Variants in DISC1 observed in about 807,000 individuals in gnomAD.
DISC1 encodes DISC1 scaffold protein.
A neutral mutation model predicts 84.5 loss-of-function variants in DISC1; 57 were observed. The observed-to-expected ratio is 0.67, with a 90% CI of 0.55 to 0.84. The LOEUF (loss-of-function observed/expected upper bound fraction) is 0.84, where lower values mean the gene tolerates loss of function less well. Among genes scored for constraint, DISC1 ranks in the 40% least tolerant of loss-of-function variants. The pLI, the probability that DISC1 is intolerant of heterozygous loss-of-function variation, is 0.00. For synonymous variants in DISC1, 411 were observed against 415.2 expected (o/e 0.99, Z 0.12); for missense variants, 1,000 against 1,057.8 (o/e 0.95, Z 0.76).
intron 1 of DISC1, among the ~76,000 whole-genome samples, chr1:231,652,448 A>G (rs1021566444): frequency 6.6e-6 from 1 of 152,208 alleles, no homozygotes; most frequent in Non-Finnish European, 1.5e-5. Flanking sequence ...AAACTTTCTT[A>G]AAGGAAATGG....
At chr1:231,895,286 A>G (rs2087593300) in intron 9 of DISC1, among the ~76,000 whole-genome samples, 2 of 151,700 alleles carry the variant, frequency 1.3e-5, no homozygotes, top group African/African-American at 4.8e-5. Flanking sequence ...GTGTAAGTAT[A>G]TCTAATGAAT....
intron 3 of DISC1, chr1:231,702,331 C>T (rs936799446): frequency 3.8e-6 from 4 of 1,065,826 alleles, no homozygotes; most frequent in African/African-American, 3.4e-5. Flanking sequence ...ATCTATAATC[C>T]ACTTGTTCAT....
At chr1:231,891,345 G>A (rs534004065) in intron 9 of DISC1, among the ~76,000 whole-genome samples, 1 of 152,334 alleles carries the variant, frequency 6.6e-6, no homozygotes, top group Admixed American at 6.5e-5. Context: ...AACATATAGT[G>A]TTAATAGGAT....
At chr1:232,026,993 C>T (rs779989020) in intron 12 of DISC1, among the ~76,000 whole-genome samples, 6 of 152,014 alleles carry the variant, frequency 3.9e-5, no homozygotes, top group African/African-American at 7.2e-5. Context: ...TCAAGTGATC[C>T]GCCCGCCTTG....
chr1:231,626,995 C>G, intron 1 of DISC1, 61 bp downstream of exon 1: 1 of 1,227,794 alleles, frequency 8.1e-7, no homozygotes, highest in Non-Finnish European at 1.1e-6. Context: ...GGAGGGCGCG[C>G]TCTGGCCCCC....
intron 4 of DISC1, among the ~76,000 whole-genome samples, chr1:231,762,128 CTT>C (rs2075723516): frequency 7.1e-6 from 1 of 140,266 alleles, no homozygotes; most frequent in South Asian, 2.3e-4. Flanking sequence ...TTTCTTTTTT[CTT>C]TTCTTTCTTT....
At chr1:231,685,091 G>A (rs1482238535) in intron 1 of DISC1, 1 of 152,284 alleles carries the variant, frequency 6.6e-6, no homozygotes, top group Non-Finnish European at 1.5e-5. Flanking sequence ...AGCAAGCCCA[G>A]TGCAAGATTC....
chr1:231,983,032 T>G (rs1194429037), intron 10 of DISC1, among the ~76,000 whole-genome samples: 1 of 152,136 alleles, frequency 6.6e-6, no homozygotes, highest in Non-Finnish European at 1.5e-5. Context: ...CTACCACCCA[T>G]AGGACTGAGA....
chr1:231,694,690 G>T lies in DISC1; in HGVS notation c.932G>T (p.Gly311Val). 1 of 1,614,222 alleles carries T rather than the reference G, an allele frequency of 6.2e-7. No homozygotes were observed. The highest frequency in any genetic ancestry group is 2.2e-5 in the East Asian group (1 of 44,882). The change falls in exon 2 of 13, where the codon GGC becomes GTC. Residue 311 changes from glycine (G) to valine (V), a missense_variant. This residue lies in a region of DISC1 where 311 missense variants were observed against 400.1 expected (regional missense o/e 0.78). Transcript: ENST00000439617. ...AGTTCTCTGGATCCCTCACTGGCTGGCTGTGGTGGTGATGGGAGCAGCGGC... is the reference window on the plus strand; with the variant it reads ...AGTTCTCTGGATCCCTCACTGGCTGTCTGTGGTGGTGATGGGAGCAGCGGC... ...SSSSLDPSLAGCGGDGSSGSG... is the reference protein window; with the variant it reads ...SSSSLDPSLAVCGGDGSSGSG...
intron 9 of DISC1, chr1:231,925,715 T>C (rs887099116): frequency 4.6e-5 from 7 of 152,164 alleles, no homozygotes; most frequent in Admixed American, 3.9e-4. Context: ...ATGATTAGTA[T>C]TTTTTATGAG....
At chr1:232,005,235 C>A (rs1331445695) in intron 10 of DISC1, among the ~76,000 whole-genome samples, 1 of 151,896 alleles carries the variant, frequency 6.6e-6, no homozygotes, top group Non-Finnish European at 1.5e-5. Flanking sequence ...TAAAATACTT[C>A]TTGTACACAA....
At chr1:231,963,669 A>G (rs1395727008) in intron 10 of DISC1, among the ~76,000 whole-genome samples, 1 of 152,204 alleles carries the variant, frequency 6.6e-6, no homozygotes, top group African/African-American at 2.4e-5. Context: ...GACAGGTATT[A>G]TAATGTAGCA....
chr1:231,750,631 C>A, intron 4 of DISC1: 3 of 975,270 alleles, frequency 3.1e-6, no homozygotes, highest in Non-Finnish European at 3.7e-6. Context: ...AGATTTAAAA[C>A]CTACCAATGT....
intron 10 of DISC1, among the ~76,000 whole-genome samples, chr1:231,998,328 T>C (rs1032521365): frequency 6.6e-6 from 1 of 151,154 alleles, no homozygotes; most frequent in African/African-American, 2.4e-5. Context: ...AATAGAAAAA[T>C]GGAAGGAAAC....
intron 9 of DISC1, among the ~76,000 whole-genome samples, chr1:231,885,757 GA>G (rs935392629): frequency 1.3e-5 from 2 of 152,176 alleles, no homozygotes; most frequent in African/African-American, 4.8e-5. Context: ...GTGGCAGTGG[GA>G]AAAGGGGAGG....
intron 3 of DISC1, among the ~76,000 whole-genome samples, chr1:231,713,764 GAT>G (rs1184565969): frequency 2.2e-5 from 3 of 135,684 alleles, no homozygotes; most frequent in Non-Finnish European, 4.6e-5. Context: ...ATATATAGGA[GAT>G]ATATATATAG....
chr1:231,891,630 G>T (rs1444752217), intron 9 of DISC1, among the ~76,000 whole-genome samples: 2 of 152,162 alleles, frequency 1.3e-5, no homozygotes, highest in Non-Finnish European at 2.9e-5. Context: ...CTGGTCTGGG[G>T]TGATTAGGGC....
Position 231,694,047 on chromosome 1 carries a change from AG to A in DISC1, c.290del (p.Ser97ThrfsTer12). 1 of 1,614,126 alleles carries A rather than the reference AG, an allele frequency of 6.2e-7. No homozygotes were observed. The highest frequency in any genetic ancestry group is 1.7e-5 in the Admixed American group (1 of 60,024). ...TGACTCGAGAGGCCTCTTGGTCCGG[AG>A]CCCTGTTTCCAAGAGTGCAGCAGCC... ...GLDSRGLLVR[S>X]PVSKSAAAPT... On this transcript the variant is annotated frameshift_variant, in exon 2 of 13. Transcript: ENST00000439617. LOFTEE classifies it high-confidence loss of function.
At chr1:231,744,843 A>T (rs1375992681) in intron 3 of DISC1, among the ~76,000 whole-genome samples, 1 of 152,270 alleles carries the variant, frequency 6.6e-6, no homozygotes, top group East Asian at 1.9e-4. Flanking sequence ...CTTAGGAAAA[A>T]ACACTACCTG....
Sources: allele counts gnomAD v4.1 joint callset (sites outside exome capture counted in the v4.1 genomes callset), GRCh38; gene constraint gnomAD v4.1.1; regional missense constraint gnomAD v4.1.1; transcripts MANE v1.5; gene names NCBI Gene and HGNC (gene_info 2026-07-23, HGNC 2026-07-21).